ADAM7: variants seen among roughly 807,000 people sequenced by gnomAD.
The protein encoded by ADAM7 is disintegrin and metalloproteinase domain-containing protein 7.
A neutral mutation model predicts 102.9 loss-of-function variants in ADAM7; 97 were observed. The ratio of observed to expected loss-of-function variants is 0.94; its 90% CI spans 0.80 to 1.12. The LOEUF (loss-of-function observed/expected upper bound fraction) is 1.12, where lower values mean the gene tolerates loss of function less well. Ranked by LOEUF, ADAM7 falls within the 50% of genes most tolerant of loss-of-function variation. The pLI is 0.00. For synonymous variants in ADAM7, 334 were observed against 304.4 expected (o/e 1.10, Z -1.01); for missense variants, 991 against 908.7 (o/e 1.09, Z -1.16).
In ADAM7 at chr8:24,499,249, G is replaced by A. The variant is rs1384439839; in HGVS notation, c.1856G>A (p.Gly619Asp). Residue 619 changes from glycine to aspartate, a missense_variant, in exon 17 of 22, where the codon GGT becomes GAT. Coordinates refer to ENST00000175238, the MANE Select transcript of ADAM7 (RefSeq NM_003817.4). ...KCGEGMVCNN[G>D]ECLNMEKVYI... Reference sequence around the variant, plus strand: ...CTTCATTTCTAGGTGTGCAACAATGGTGAATGTCTAAACATGGAAAAGGTC... The same window carrying A: ...CTTCATTTCTAGGTGTGCAACAATGATGAATGTCTAAACATGGAAAAGGTC... 6.3e-7 allele frequency: 1 copy of A among 1,598,118 alleles called. No individual in the cohort carries two copies. The highest frequency in any genetic ancestry group is 8.5e-7 in the Non-Finnish European group (1 of 1,173,510).
chr8:24,488,501 T>A (rs2129390649), intron 11 of ADAM7, among the ~76,000 whole-genome samples: 1 of 152,252 alleles, frequency 6.6e-6, no homozygotes, highest in East Asian at 1.9e-4. Context: ...TAATTAATAT[T>A]TAGTTTTACA....
chr8:24,454,786 C>T (rs1818965388), intron 3 of ADAM7, among the ~76,000 whole-genome samples: 1 of 152,040 alleles, frequency 6.6e-6, no homozygotes, highest in Admixed American at 6.5e-5. Context: ...TGTTCCTATT[C>T]GTCCATCTTG....
rs553862237 is a variant in ADAM7 at position 24,486,576 on chromosome 8, A to G, written c.961-611A>G. 7.9e-5 allele frequency among the ~76,000 whole-genome samples: 12 copies of G among 152,310 alleles called. No individual in the cohort carries two copies. The East Asian group carries it at 2.1e-3, about 27-fold the overall frequency. Reference sequence around the variant, plus strand: ...AACAAAATATCACAAATGAATGGGTAAGAAACAATAGAAAGTTATTTCTCG... The same window carrying G: ...AACAAAATATCACAAATGAATGGGTGAGAAACAATAGAAAGTTATTTCTCG... On this transcript the variant is annotated intron_variant, in intron 10 of 21. Transcript: ENST00000175238.
chr8:24,456,965 A>C (rs1227539796), intron 3 of ADAM7, among the ~76,000 whole-genome samples: 1 of 152,162 alleles, frequency 6.6e-6, no homozygotes, highest in African/African-American at 2.4e-5. Flanking sequence ...TTTGGTAAAC[A>C]CCAAGGAGTG....
Position 24,442,522 on chromosome 8 carries a change from G to T in ADAM7, c.102G>T (p.Lys34Asn), listed in dbSNP as rs146117431. 624 of 1,614,094 alleles carry T rather than the reference G, an allele frequency of 3.9e-4. No individual in the cohort carries two copies. In the Middle Eastern group the frequency reaches 6.3e-3, roughly 16 times the overall value. Residue 34 changes from lysine to asparagine, a missense_variant, in exon 2 of 22, where the codon AAG (lysine) becomes AAT (asparagine). Transcript: ENST00000175238. ...GTCAACAACTGGTTCGTCCTAAAAAGCTTCCTCTGATACAGAAGCGAGATA... is the reference window on the plus strand; with the variant it reads ...GTCAACAACTGGTTCGTCCTAAAAATCTTCCTCTGATACAGAAGCGAGATA... ...VEGQQLVRPK[K>N]LPLIQKRDTG...
chr8:24,492,571 A>C lies in ADAM7; in HGVS notation c.1629A>C (p.Glu543Asp), dbSNP rs746759074. The change falls in exon 15 of 22, where the codon GAA (glutamate) becomes GAC (aspartate). Residue 543 changes from glutamate (E) to aspartate (D), a missense_variant. By Grantham distance (45) the Glu-to-Asp change is conservative. Transcript: ENST00000175238. Reference protein sequence around the residue: ...GNKFGYCKNKENRFLPCEEKD... With the variant: ...GNKFGYCKNKDNRFLPCEEKD... Reference sequence around the variant, plus strand: ...AATTTGGATACTGCAAAAACAAGGAAAACAGATTTCTTCCCTGTGAGGAGA... The same window carrying C: ...AATTTGGATACTGCAAAAACAAGGACAACAGATTTCTTCCCTGTGAGGAGA... The C allele has an allele frequency of 6.2e-7, 1 of 1,613,012 alleles. No individual in the cohort carries two copies. Among genetic ancestry groups the C allele is most frequent in the Non-Finnish European group, 8.5e-7 (1 of 1,179,324 alleles).
chr8:24,441,893 G>C (rs1818385799), intron 1 of ADAM7, among the ~76,000 whole-genome samples: 1 of 152,200 alleles, frequency 6.6e-6, no homozygotes, highest in Non-Finnish European at 1.5e-5. Context: ...ACAACTGCAG[G>C]CCAGACATGG....
chr8:24,490,831 A>G lies in ADAM7; in HGVS notation c.1299A>G (p.Thr433=), dbSNP rs768557223. The part of the protein sequence containing the change: ...ECTNPCCDAH[T]CVLKPGFTCA... ...CTAATCCTTGCTGTGATGCACACAC[A>G]TGTGTACTGAAGCCAGGATTTACTT... Residue 433 remains threonine (T), a synonymous_variant, in exon 13 of 22, where the codon ACA becomes ACG. Transcript: ENST00000175238. 1 of 1,613,758 alleles carries G rather than the reference A, an allele frequency of 6.2e-7. No homozygotes were observed. The highest frequency in any genetic ancestry group is 1.1e-5 in the South Asian group (1 of 91,056).
chr8:24,456,428 A>G (rs367994863), intron 3 of ADAM7, among the ~76,000 whole-genome samples: 2 of 152,158 alleles, frequency 1.3e-5, no homozygotes, highest in East Asian at 3.8e-4. Flanking sequence ...TAGTGTTGCA[A>G]TGAATATGGG....
intron 3 of ADAM7, among the ~76,000 whole-genome samples, chr8:24,448,783 A>G (rs186396134): frequency 6.6e-6 from 1 of 152,070 alleles, no homozygotes; most frequent in Admixed American, 6.5e-5. Context: ...AGCATTAGGT[A>G]TATCTCCTAA....
intron 2 of ADAM7, among the ~76,000 whole-genome samples, chr8:24,444,514 C>G (rs1818482114): frequency 6.6e-6 from 1 of 151,868 alleles, no homozygotes; most frequent in Admixed American, 6.6e-5. Context: ...TTAACACTTG[C>G]TAAGTCCTGT....
chr8:24,495,931 T>C (rs1023565310), intron 16 of ADAM7, among the ~76,000 whole-genome samples: 11 of 152,208 alleles, frequency 7.2e-5, no homozygotes, highest in Admixed American at 6.5e-4. Flanking sequence ...GCATAAGTAA[T>C]GAGATGCCAA....
intron 18 of ADAM7, 31 bp downstream of exon 18, chr8:24,500,287 A>G: frequency 1.9e-6 from 3 of 1,580,874 alleles, no homozygotes; most frequent in Non-Finnish European, 2.6e-6. Context: ...TCTTTCATAT[A>G]TCAAAAGCCT....
rs532348296 is a variant in ADAM7, at chr8:24,459,657, G to A, written c.234-4225G>A. The stretch of plus-strand genomic sequence containing the variant: ...AACCTTTTTGTAAAGATGGGTTTTC[G>A]CCTTGTTGCCCAGGCTGGCCTCGAA... On this transcript the variant is annotated intron_variant, in intron 3 of 21. Transcript: ENST00000175238. Among the ~76,000 whole-genome samples the A allele has an allele frequency of 1.5e-4, 23 of 151,960 alleles. No individual in the cohort carries two copies. The East Asian group carries it at 2.5e-3, about 17-fold the overall frequency.
chr8:24,466,281 C>T lies in ADAM7; in HGVS notation c.389+506C>T, dbSNP rs549711392. Among the ~76,000 whole-genome samples the T allele has an allele frequency of 3.9e-5, 6 of 152,118 alleles. No individual in the cohort carries two copies. In the East Asian group the frequency reaches 7.7e-4, roughly 20 times the overall value. The stretch of plus-strand genomic sequence containing the variant: ...TATAGTTCTCTATAGATCATAGGCT[C>T]ATGGACAAAGAAAGATGATGTGGAG... On this transcript the variant is annotated intron_variant, in intron 5 of 21. Transcript: ENST00000175238.
At position 24,499,335 on chromosome 8, in the gene ADAM7, C is replaced by T; in HGVS notation, c.1923+19C>T. 6.4e-7 allele frequency: 1 copy of T among 1,563,350 alleles called. No homozygotes were observed. The highest frequency in any genetic ancestry group is 1.7e-4 in the Middle Eastern group (1 of 5,960). The stretch of plus-strand genomic sequence containing the variant: ...AAATCCTGTAAGATATGACTGCTTT[C>T]AAAATTAATGTCTTATCAGCCATAT... On this transcript the variant is annotated intron_variant, in intron 17 of 21. Coordinates refer to ENST00000175238, the MANE Select transcript of ADAM7 (RefSeq NM_003817.4).
At chr8:24,478,014 A>G (rs1419169197) in intron 8 of ADAM7, among the ~76,000 whole-genome samples, 1 of 151,922 alleles carries the variant, frequency 6.6e-6, no homozygotes, top group Admixed American at 6.6e-5. Flanking sequence ...GTTTTTCACT[A>G]TATTCATTTT....
chr8:24,480,562 CTTTTA>C (rs1563387195), intron 8 of ADAM7, among the ~76,000 whole-genome samples: 2 of 152,076 alleles, frequency 1.3e-5, no homozygotes, highest in Non-Finnish European at 2.9e-5. Flanking sequence ...TAAAGCATGG[CTTTTA>C]TTTTATATGT....
intron 7 of ADAM7, among the ~76,000 whole-genome samples, chr8:24,474,302 AG>A (rs1819698829): frequency 6.6e-6 from 1 of 152,172 alleles, no homozygotes; most frequent in South Asian, 2.1e-4. Context: ...AAGAATGCTG[AG>A]ACACTTTGCT....
Sources: gnomAD v4.1 joint callset for allele counts (sites outside exome capture counted in the v4.1 genomes callset) on GRCh38, gnomAD v4.1.1 for gene constraint, MANE v1.5 for transcripts, NCBI Gene and HGNC (gene_info 2026-07-23, HGNC 2026-07-21) for gene names.